ST8SIA4: variants seen among roughly 807,000 people sequenced by gnomAD.
ST8SIA4 encodes ST8 alpha-N-acetyl-neuraminide alpha-2,8-sialyltransferase 4, also known as CMP-N-acetylneuraminate-poly-alpha-2,8-sialyltransferase.
ST8SIA4 carries 15 observed loss-of-function variants against 33.9 expected under a neutral mutation model. That is an observed-to-expected ratio of 0.44 (90% CI 0.30 to 0.68). The LOEUF (loss-of-function observed/expected upper bound fraction) is 0.68, where lower values mean the gene tolerates loss of function less well. ST8SIA4 is among the 30% of genes least tolerant of loss of function. The pLI is 0.10. For synonymous variants in ST8SIA4, 171 were observed against 151.2 expected (o/e 1.13, Z -0.96); for missense variants, 321 against 428.0 (o/e 0.75, Z 2.21).
chr5:100,860,645 TA>T (rs1203711424), intron 3 of ST8SIA4, among the ~76,000 whole-genome samples: 4 of 152,178 alleles, frequency 2.6e-5, no homozygotes, highest in Non-Finnish European at 5.9e-5. Flanking sequence ...AAACTAAGGT[TA>T]AAGTGGTTGA....
intron 1 of ST8SIA4, among the ~76,000 whole-genome samples, chr5:100,897,338 T>G (rs900119414): frequency 6.6e-6 from 1 of 152,162 alleles, no homozygotes; most frequent in East Asian, 1.9e-4. Flanking sequence ...TATATCTGAA[T>G]AAATTCATTA....
In ST8SIA4 at chr5:100,811,850, T is replaced by C. The variant is rs1319374358; in HGVS notation, c.1077A>G (p.Gln359=). 1.9e-6 allele frequency: 3 copies of C among 1,602,552 alleles called. No homozygotes were observed. The highest frequency in any genetic ancestry group is 1.3e-5 in the African/African-American group (1 of 74,198). The part of the protein sequence containing the change: ...LKLTTGKCVK[Q] ...ATTGTTTGTTTCAAAATGTGCTTTA[T>C]TGCTTTACACACTTTCCTGTTGTCA... Residue 359 remains glutamine, a synonymous_variant, in exon 5 of 5, where the codon CAA becomes CAG. Coordinates refer to ENST00000231461, the MANE Select transcript of ST8SIA4 (RefSeq NM_005668.6).
intron 4 of ST8SIA4, among the ~76,000 whole-genome samples, chr5:100,821,466 T>A (rs1215118528): frequency 6.6e-6 from 1 of 152,114 alleles, no homozygotes; most frequent in East Asian, 1.9e-4. Context: ...ACTATGACAA[T>A]AAAATATAAA....
intron 4 of ST8SIA4, among the ~76,000 whole-genome samples, chr5:100,842,010 C>T (rs1751480684): frequency 6.6e-6 from 1 of 151,794 alleles, no homozygotes; most frequent in African/African-American, 2.4e-5. Flanking sequence ...GCAATCTATA[C>T]ATGTTTATAG....
chr5:100,886,424 G>A lies in ST8SIA4; in HGVS notation c.422C>T (p.Thr141Ile). 1.2e-6 allele frequency: 2 copies of A among 1,613,830 alleles called. No homozygotes were observed. Among genetic ancestry groups the A allele is most frequent in the South Asian group, 1.1e-5 (1 of 91,084 alleles). ...GCCAGAATTTCCAACAACTGCACAGGTCTTAAACCTGCGATTCTTCATTGG... is the reference window on the plus strand; with the variant it reads ...GCCAGAATTTCCAACAACTGCACAGATCTTAAACCTGCGATTCTTCATTGG... ...VSPMKNRRFK[T>I]CAVVGNSGIL... The change falls in exon 3 of 5, where the codon ACC becomes ATC. Residue 141 changes from threonine to isoleucine, a missense_variant. Coordinates refer to ENST00000231461, the MANE Select transcript of ST8SIA4 (RefSeq NM_005668.6).
intron 2 of ST8SIA4, 35 bp downstream of exon 2, chr5:100,895,619 T>C: frequency 6.3e-7 from 1 of 1,588,998 alleles, no homozygotes; most frequent in African/African-American, 1.4e-5. Flanking sequence ...GAGAACATGA[T>C]GTGAAATTTA....
Position 100,807,723 on chromosome 5 carries a change from C to T in ST8SIA4, c.*4124G>A, listed in dbSNP as rs556294167. 6.6e-6 allele frequency: 1 copy of T among 152,620 alleles called. No individual in the cohort carries two copies. The highest frequency in any genetic ancestry group is 6.5e-5 in the Admixed American group (1 of 15,280). 9.5% of individuals were successfully genotyped at this position (152,620 alleles called of 1,614,324 possible). A position where few individuals can be genotyped will look rare whatever the true frequency, so the allele number is the denominator to read the frequency against. On this transcript the variant is annotated 3_prime_UTR_variant, in exon 5 of 5. Coordinates refer to ENST00000231461, the MANE Select transcript of ST8SIA4 (RefSeq NM_005668.6). ...TATTCTAAAGTGGACTTACTTATCT[C>T]CAGGGGAGTTCACAGTGCAGACCCT... is the stretch of plus-strand genomic sequence containing the variant.
intron 4 of ST8SIA4, among the ~76,000 whole-genome samples, chr5:100,851,816 AAAC>A (rs916023930): frequency 6.6e-6 from 1 of 152,024 alleles, no homozygotes; most frequent in African/African-American, 2.4e-5. Flanking sequence ...ACCAAAGTAA[AAAC>A]AACACTTGGT....
intron 2 of ST8SIA4, among the ~76,000 whole-genome samples, chr5:100,891,047 G>A (rs530622896): frequency 2.0e-5 from 3 of 151,784 alleles, no homozygotes; most frequent in South Asian, 2.1e-4. Flanking sequence ...GTTTTCACTC[G>A]TGAAATGTTA....
intron 3 of ST8SIA4, among the ~76,000 whole-genome samples, chr5:100,880,202 C>A (rs969776216): frequency 6.6e-6 from 1 of 151,918 alleles, no homozygotes; most frequent in Non-Finnish European, 1.5e-5. Context: ...AGACTCTTTA[C>A]TAGGGTCTGA....
intron 3 of ST8SIA4, among the ~76,000 whole-genome samples, chr5:100,876,533 C>G (rs976067434): frequency 3.9e-5 from 6 of 152,012 alleles, no homozygotes; most frequent in Non-Finnish European, 8.8e-5. Context: ...TATCTTTAAC[C>G]TAGCCAATGA....
chr5:100,834,044 A>T (rs984793039), intron 4 of ST8SIA4, among the ~76,000 whole-genome samples: 2 of 152,210 alleles, frequency 1.3e-5, no homozygotes, highest in African/African-American at 4.8e-5. Flanking sequence ...TGAAGAGATT[A>T]GGATATCATC....
At chr5:100,860,149 T>G (rs1313871423) in intron 3 of ST8SIA4, among the ~76,000 whole-genome samples, 2 of 152,158 alleles carry the variant, frequency 1.3e-5, no homozygotes, top group Admixed American at 6.5e-5. Context: ...CCCAACAGAT[T>G]AAATAAGAAG....
At chr5:100,819,264 G>A (rs1357927379) in intron 4 of ST8SIA4, among the ~76,000 whole-genome samples, 1 of 152,218 alleles carries the variant, frequency 6.6e-6, no homozygotes, top group Non-Finnish European at 1.5e-5. Context: ...GGTGTCGGGA[G>A]ACAGTTCAAT....
chr5:100,881,404 A>T (rs1234220673), intron 3 of ST8SIA4, among the ~76,000 whole-genome samples: 2 of 152,214 alleles, frequency 1.3e-5, no homozygotes, highest in African/African-American at 4.8e-5. Context: ...GGGAAATACC[A>T]ATGAGAGAAA....
chr5:100,880,204 A>G (rs1289233887), intron 3 of ST8SIA4, among the ~76,000 whole-genome samples: 3 of 152,012 alleles, frequency 2.0e-5, no homozygotes, highest in Admixed American at 6.6e-5. Flanking sequence ...ACTCTTTACT[A>G]GGGTCTGAGA....
At chr5:100,828,962 C>T (rs1751197423) in intron 4 of ST8SIA4, among the ~76,000 whole-genome samples, 1 of 151,986 alleles carries the variant, frequency 6.6e-6, no homozygotes, top group Non-Finnish European at 1.5e-5. Flanking sequence ...GAAATAACGA[C>T]GAATTCTGAT....
intron 3 of ST8SIA4, among the ~76,000 whole-genome samples, chr5:100,882,086 G>T (rs747967511): frequency 6.6e-6 from 1 of 152,228 alleles, no homozygotes; most frequent in Non-Finnish European, 1.5e-5. Flanking sequence ...GGCAGAGGTT[G>T]CAACAGTTTG....
At chr5:100,889,570 A>G (rs747644350) in intron 2 of ST8SIA4, among the ~76,000 whole-genome samples, 1 of 151,978 alleles carries the variant, frequency 6.6e-6, no homozygotes, top group Non-Finnish European at 1.5e-5. Context: ...GGACTTTCCA[A>G]TAACAGCACC....
Sources: gnomAD v4.1 joint callset for allele counts (sites outside exome capture counted in the v4.1 genomes callset) on GRCh38, gnomAD v4.1.1 for gene constraint, MANE v1.5 for transcripts, NCBI Gene and HGNC (gene_info 2026-07-23, HGNC 2026-07-21) for gene names.